The following POLA1 variants were observed in gnomAD, a reference collection of about 807,000 sequenced individuals.
The protein encoded by POLA1 is DNA polymerase alpha 1, catalytic subunit, also known as DNA polymerase alpha catalytic subunit.
POLA1 carries 15 observed loss-of-function variants against 124.0 expected under a neutral mutation model. That is an observed-to-expected ratio of 0.12 (90% CI 0.08 to 0.19). The LOEUF (loss-of-function observed/expected upper bound fraction) is 0.19, where lower values mean the gene tolerates loss of function less well. POLA1 is among the 10% of genes least tolerant of loss of function. The probability of loss-of-function intolerance (pLI) is 1.00; values close to 1 mark genes in which losing one functional copy is unlikely to be tolerated. For missense variants in POLA1, 886 were observed against 1,103.4 expected (o/e 0.80, Z 2.79); for synonymous variants, 408 against 389.4 (o/e 1.05, Z -0.56).
chrX:24,712,330 C>T (rs963171683), intron 4 of POLA1, among the ~76,000 whole-genome samples: 5 of 111,453 alleles, frequency 4.5e-5, no homozygotes, highest in Non-Finnish European at 7.5e-5. Flanking sequence ...GTATTCCGCC[C>T]GCCTCGTGGC....
chrX:24,980,362 G>A (rs1045633136), intron 36 of POLA1, among the ~76,000 whole-genome samples: 2 of 112,209 alleles, frequency 1.8e-5, no homozygotes, highest in Non-Finnish European at 3.8e-5. Context: ...CCCCTAGGAG[G>A]AGGTGAGCAG....
chrX:24,926,927 G>T (rs1478555063), intron 35 of POLA1, among the ~76,000 whole-genome samples: 1 of 110,184 alleles, frequency 9.1e-6, no homozygotes, highest in Non-Finnish European at 1.9e-5. Context: ...CACCTCCCAG[G>T]TTCAAGTGAT....
chrX:24,868,385 C>T (rs1352135896), intron 34 of POLA1, among the ~76,000 whole-genome samples: 2 of 111,940 alleles, frequency 1.8e-5, no homozygotes, highest in African/African-American at 6.5e-5. Context: ...TAAAATATTT[C>T]ATAAACTGCT....
chrX:24,695,581 A>G (rs915253323), intron 1 of POLA1, among the ~76,000 whole-genome samples: 5 of 110,984 alleles, frequency 4.5e-5, no homozygotes, highest in Non-Finnish European at 3.8e-5. Context: ...CCTGGGTTCA[A>G]GCAGTTCTGC....
intron 2 of POLA1, 110 bp from the exon 3 acceptor site, chrX:24,703,141 C>T: frequency 2.0e-6 from 1 of 509,112 alleles, no homozygotes; most frequent in African/African-American, 2.3e-5. Context: ...GTTGCAGCTA[C>T]TCCTTCAGTC....
chrX:24,791,946 G>A (rs73207261), intron 26 of POLA1, among the ~76,000 whole-genome samples: 4,617 of 111,758 alleles, frequency 0.041, 121 homozygotes, highest in Non-Finnish European at 0.065. Context: ...AATCATTATA[G>A]TTAAGATTTA....
chrX:24,881,004 C>A (rs1176316283), intron 34 of POLA1, among the ~76,000 whole-genome samples: 2 of 111,997 alleles, frequency 1.8e-5, no homozygotes, highest in Non-Finnish European at 3.8e-5. Context: ...CACTGCAGAA[C>A]CATGCTGTCT....
At chrX:24,978,300 C>T (rs770685864) in intron 36 of POLA1, among the ~76,000 whole-genome samples, 25 of 111,969 alleles carry the variant, frequency 2.2e-4, no homozygotes, top group Middle Eastern at 9.4e-3. Context: ...GAAATGTCCA[C>T]TTCTGTGTGT....
chrX:24,932,656 A>G (rs2047799340), intron 36 of POLA1, among the ~76,000 whole-genome samples: 1 of 111,741 alleles, frequency 8.9e-6, no homozygotes, highest in Non-Finnish European at 1.9e-5. Context: ...GTTCTTTTAT[A>G]TATCAGAGGG....
chrX:24,843,424 A>G (rs960244954), intron 33 of POLA1, 122 bp from the exon 34 acceptor site: 9 of 454,610 alleles, frequency 2.0e-5, no homozygotes, highest in Non-Finnish European at 2.9e-5. Flanking sequence ...GATAGGGTTA[A>G]CAACTCACCA....
At chrX:24,710,271 A>T (rs1929315504) in intron 4 of POLA1, among the ~76,000 whole-genome samples, 1 of 109,865 alleles carries the variant, frequency 9.1e-6, no homozygotes, top group South Asian at 3.8e-4. Context: ...ATTAGCAGTC[A>T]CTCCCCAATC....
At chrX:24,819,903 G>A (rs760044501) in intron 30 of POLA1, among the ~76,000 whole-genome samples, 3 of 111,466 alleles carry the variant, frequency 2.7e-5, no homozygotes, top group East Asian at 5.6e-4. Flanking sequence ...GAGAACATGC[G>A]GTGTTTGGTT....
chrX:24,777,294 G>C (rs927293556), intron 26 of POLA1, among the ~76,000 whole-genome samples: 2 of 112,007 alleles, frequency 1.8e-5, no homozygotes, highest in Non-Finnish European at 3.8e-5. Flanking sequence ...AAAATGTCTT[G>C]TTAATTTTTG....
chrX:24,817,615 A>G (rs753328683), intron 30 of POLA1, among the ~76,000 whole-genome samples: 1 of 108,859 alleles, frequency 9.2e-6, no homozygotes, highest in Admixed American at 9.8e-5. Flanking sequence ...CTCAAAAAAA[A>G]AAAAAAAAAA....
intron 26 of POLA1, among the ~76,000 whole-genome samples, chrX:24,804,453 T>C (rs2045767439): frequency 8.9e-6 from 1 of 112,084 alleles, no homozygotes; most frequent in East Asian, 2.8e-4. Context: ...TGCTAATGTA[T>C]TGTTTAATTT....
At chrX:24,985,059 T>C (rs1016783019) in intron 36 of POLA1, among the ~76,000 whole-genome samples, 9 of 111,953 alleles carry the variant, frequency 8.0e-5, no homozygotes, top group Non-Finnish European at 1.7e-4. Context: ...TGAATTAAAT[T>C]TGTGGCGTTG....
At chrX:24,967,855 A>G (rs2048243592) in intron 36 of POLA1, among the ~76,000 whole-genome samples, 1 of 111,202 alleles carries the variant, frequency 9.0e-6, no homozygotes, top group Non-Finnish European at 1.9e-5. Flanking sequence ...CTTTTCACCA[A>G]GCACCACCCC....
chrX:24,891,910 C>T (rs1012009277), intron 35 of POLA1, among the ~76,000 whole-genome samples: 2 of 111,342 alleles, frequency 1.8e-5, no homozygotes, highest in African/African-American at 6.5e-5. Flanking sequence ...ATATGTTGTT[C>T]AAGTTTGATG....
chrX:24,739,483 C>G lies in POLA1; in HGVS notation c.2149C>G (p.Leu717Val). ...IRCKSYHLSELVQQILKTERV... is the reference protein window; with the variant it reads ...IRCKSYHLSEVVQQILKTERV... ...TTGTAAAAGCTACCATCTGTCTGAA[C>G]TTGTTCAGCAGATTCTAAAAACTGA... is the stretch of plus-strand genomic sequence containing the variant. Residue 717 changes from leucine to valine, a missense_variant, in exon 20 of 37, where the codon CTT (leucine) becomes GTT (valine). Coordinates refer to ENST00000379068, the MANE Select transcript of POLA1 (RefSeq NM_001330360.2). 8.4e-7 allele frequency: 1 copy of G among 1,193,783 alleles called. No individual in the cohort carries two copies. Among genetic ancestry groups the G allele is most frequent in the Non-Finnish European group, 1.1e-6 (1 of 880,104 alleles).
Sources: allele counts gnomAD v4.1 joint callset (sites outside exome capture counted in the v4.1 genomes callset), GRCh38; gene constraint gnomAD v4.1.1; transcripts MANE v1.5; gene names NCBI Gene and HGNC (gene_info 2026-07-23, HGNC 2026-07-21).